Variants in DDX24 observed in about 807,000 individuals in gnomAD.
DDX24 encodes the protein ATP-dependent RNA helicase DDX24.
Under a neutral mutation model 68.9 loss-of-function variants are expected in DDX24, and 24 were observed. That is an observed-to-expected ratio of 0.35 (90% CI 0.25 to 0.49). The LOEUF (loss-of-function observed/expected upper bound fraction) is 0.49, where lower values mean the gene tolerates loss of function less well. Among genes scored for constraint, DDX24 ranks in the 20% least tolerant of loss-of-function variants. DDX24 has a pLI of 0.99. For synonymous variants in DDX24, 395 were observed against 385.2 expected, an observed-to-expected ratio of 1.03 and a Z score of -0.30; for missense variants, 989 against 1,039.0, an observed-to-expected ratio of 0.95 and a Z score of 0.66.
chr14:94,079,577 A>C lies in DDX24; in HGVS notation c.166T>G (p.Tyr56Asp). ...DLVCFEELTDYQLVSPAKNPS... is the reference protein window; with the variant it reads ...DLVCFEELTDDQLVSPAKNPS... ...TTCTTGGCAGGGGAGACCAACTGGT[A>C]ATCTGTCAATTCCTCAAAGCACACC... The change falls in exon 2 of 9, where the codon TAC (tyrosine) becomes GAC (aspartate). Residue 56 changes from tyrosine (Y) to aspartate (D), a missense_variant. Coordinates refer to ENST00000621632, the MANE Select transcript of DDX24 (RefSeq NM_020414.4). 1 of 1,614,170 alleles carries C rather than the reference A, an allele frequency of 6.2e-7. No individual in the cohort carries two copies. Among genetic ancestry groups the C allele is most frequent in the Non-Finnish European group, 8.5e-7 (1 of 1,180,034 alleles).
intron 2 of DDX24, among the ~76,000 whole-genome samples, chr14:94,074,814 T>G (rs1425352430): frequency 2.6e-5 from 4 of 152,196 alleles, no homozygotes; most frequent in African/African-American, 7.2e-5. Context: ...TTGGTGGAAC[T>G]AAGTTGCAGG....
chr14:94,055,294 A>T (rs1188255193), intron 6 of DDX24, 110 bp from the exon 7 acceptor site: 9 of 1,130,808 alleles, frequency 8.0e-6, no homozygotes, highest in Non-Finnish European at 1.1e-5. Context: ...CCAGGCAGGT[A>T]GAAACTTCTG....
In DDX24 at chr14:94,060,271, G is replaced by C. The variant is rs1457097426; in HGVS notation, c.1740C>G (p.Tyr580Ter). The change falls in exon 5 of 9, where the codon TAC (tyrosine) becomes TAG (stop). Residue 580 changes from tyrosine (Y) to a stop codon, truncating the protein, a stop_gained. Coordinates refer to ENST00000621632, the MANE Select transcript of DDX24 (RefSeq NM_020414.4). LOFTEE classifies it high-confidence loss of function. Reference sequence around the variant, plus strand: ...GGCCTGGATACTGCATCAGGAAGTAGTACAAGTAGAAGTCTTTCTCATCAG... The same window carrying C: ...GGCCTGGATACTGCATCAGGAAGTACTACAAGTAGAAGTCTTTCTCATCAG... ...CETDEKDFYL[Y>*]YFLMQYPGRS... 6.2e-7 allele frequency: 1 copy of C among 1,614,226 alleles called. No homozygotes were observed. The highest frequency in any genetic ancestry group is 8.5e-7 in the Non-Finnish European group (1 of 1,180,060).
Position 94,079,747 on chromosome 14 carries a change from G to T in DDX24, c.-5C>A. ...TTTTGTGTCCTTCAACTTCATGGTT[G>T]CTGAAAAGGAGATACATGTTCTATT... On this transcript the variant is annotated splice_region_variant and 5_prime_UTR_variant, in exon 2 of 9. Coordinates refer to ENST00000621632, the MANE Select transcript of DDX24 (RefSeq NM_020414.4). 6.2e-7 allele frequency: 1 copy of T among 1,611,970 alleles called. No homozygotes were observed. The highest frequency in any genetic ancestry group is 8.5e-7 in the Non-Finnish European group (1 of 1,179,014).
chr14:94,073,006 C>CA (rs1885864185), intron 2 of DDX24, among the ~76,000 whole-genome samples: 1 of 146,748 alleles, frequency 6.8e-6, no homozygotes, highest in South Asian at 2.2e-4. Flanking sequence ...TGCTATCAGT[C>CA]AAAAAATAAA....
rs2141425509 is a variant in DDX24, at chr14:94,060,294, C to A, written c.1717G>T (p.Asp573Tyr). The change falls in exon 5 of 9, where the codon GAT becomes TAT. Residue 573 changes from aspartate to tyrosine, a missense_variant. By Grantham distance (160) the Asp-to-Tyr change is radical (BLOSUM62 -3). This residue lies in a region of DDX24 where 691 missense variants were observed against 760.0 expected (regional missense o/e 0.91). Coordinates refer to ENST00000621632, the MANE Select transcript of DDX24 (RefSeq NM_020414.4). Reference sequence around the variant, plus strand: ...TAGTACAAGTAGAAGTCTTTCTCATCAGTCTCACAATGGATCTTGGTCTCT... The same window carrying A: ...TAGTACAAGTAGAAGTCTTTCTCATAAGTCTCACAATGGATCTTGGTCTCT... The part of the protein sequence containing the change: ...LTETKIHCET[D>Y]EKDFYLYYFL... The A allele has an allele frequency of 1.2e-6, 2 of 1,614,214 alleles. No individual in the cohort carries two copies. The highest frequency in any genetic ancestry group is 4.5e-5 in the East Asian group (2 of 44,876).
chr14:94,057,145 A>G (rs532313561), intron 6 of DDX24: 2 of 152,338 alleles, frequency 1.3e-5, no homozygotes, highest in East Asian at 3.9e-4. Flanking sequence ...GAGGTACTAA[A>G]TAACTTGCCT....
intron 2 of DDX24, among the ~76,000 whole-genome samples, chr14:94,071,880 G>A (rs1295954785): frequency 6.6e-6 from 1 of 152,166 alleles, no homozygotes; most frequent in African/African-American, 2.4e-5. Context: ...GGGAGGCAGA[G>A]GTTGCAGTGA....
chr14:94,061,494 G>A lies in DDX24; in HGVS notation c.1244-428C>T, dbSNP rs574108619. ...GGTCCACTAATGCCCTGTTGTTTTC[G>A]TCTCTGGTGCAGAAATTCTCATAGT... On this transcript the variant is annotated intron_variant, in intron 3 of 8. Transcript: ENST00000621632. 5.3e-5 allele frequency among the ~76,000 whole-genome samples: 8 copies of A among 152,146 alleles called. No homozygotes were observed. The East Asian group carries it at 7.7e-4, about 15-fold the overall frequency.
rs1016426252 is a variant in DDX24 at position 94,053,259 on chromosome 14, T to A, written c.2179-132A>T. ...CTGCCCAGGCTGGAGAGCAGTGGCA[T>A]GATCATGGCTCACTGCAGCCTCAAC... On this transcript the variant is annotated intron_variant, in intron 7 of 8. Coordinates refer to ENST00000621632, the MANE Select transcript of DDX24 (RefSeq NM_020414.4). 71 of 1,201,656 alleles carry A rather than the reference T, an allele frequency of 5.9e-5. No homozygotes were observed. The African/African-American group carries it at 9.0e-4, about 15-fold the overall frequency. The allele number at this position is 1,201,656 out of a possible 1,614,324, so 74.4% of individuals were successfully genotyped here.
chr14:94,052,321 A>C (rs1219395540), intron 8 of DDX24, among the ~76,000 whole-genome samples: 1 of 152,218 alleles, frequency 6.6e-6, no homozygotes, highest in Non-Finnish European at 1.5e-5. Flanking sequence ...TCACATATAG[A>C]GTAGCAGCTC....
In DDX24 at chr14:94,050,405, C is replaced by A. The variant is rs1025437794; in HGVS notation, c.*786G>T. ...GGCAGTGCTCCAGGATGGAGAAGGC[C>A]AAAAGGCAATCCAGACCGAGGGAAA... On this transcript the variant is annotated 3_prime_UTR_variant, in exon 9 of 9. Transcript: ENST00000621632. 4 of 152,324 alleles carry A rather than the reference C, an allele frequency of 2.6e-5. No homozygotes were observed. The highest frequency in any genetic ancestry group is 9.7e-5 in the African/African-American group (4 of 41,418). The allele number at this position is 152,324 out of a possible 1,614,324, so 9.4% of individuals were successfully genotyped here. A position where few individuals can be genotyped will look rare whatever the true frequency, so the allele number is the denominator to read the frequency against.
rs575652778 is a variant in DDX24 at position 94,048,375 on chromosome 14, C to T, written c.*2816G>A. On this transcript the variant is annotated 3_prime_UTR_variant, in exon 9 of 9. Transcript: ENST00000621632. ...GGAACAATTAGCAACAGAAAGAGCA[C>T]AGTCCCTGCTTTTGACTGGGTTCCT... 6 of 152,352 alleles carry T rather than the reference C, an allele frequency of 3.9e-5. No individual in the cohort carries two copies. The highest frequency in any genetic ancestry group is 1.4e-4 in the African/African-American group (6 of 41,586). 9.4% of individuals were successfully genotyped at this position (152,352 alleles called of 1,614,324 possible).
chr14:94,080,456 T>TA (rs1886048923), intron 1 of DDX24, among the ~76,000 whole-genome samples: 1 of 152,012 alleles, frequency 6.6e-6, no homozygotes, highest in African/African-American at 2.4e-5. Flanking sequence ...AAGACCAAGG[T>TA]AAACTTTGGT....
intron 7 of DDX24, 105 bp from the exon 8 acceptor site, chr14:94,053,232 T>C: frequency 6.7e-7 from 1 of 1,491,150 alleles, no homozygotes; most frequent in South Asian, 1.2e-5. Flanking sequence ...GGTATCACTC[T>C]GCTGCCCAGG....
In DDX24 at chr14:94,051,583, G is replaced by C. The variant is rs1483684418; in HGVS notation, c.2309-121C>G. On this transcript the variant is annotated intron_variant, in intron 8 of 8. Coordinates refer to ENST00000621632, the MANE Select transcript of DDX24 (RefSeq NM_020414.4). ...TACTTTAGGGAGGCAGGGTTCAAAA[G>C]TTCTCTGAAGAAGCTAGTGGTGGCT... 3.7e-6 allele frequency: 5 copies of C among 1,354,084 alleles called. No homozygotes were observed. The African/African-American group carries it at 4.4e-5, about 12-fold the overall frequency. The allele number at this position is 1,354,084 out of a possible 1,614,324, so 83.9% of individuals were successfully genotyped here.
chr14:94,065,757 C>A (rs1291625627), intron 2 of DDX24, among the ~76,000 whole-genome samples: 1 of 152,168 alleles, frequency 6.6e-6, no homozygotes, highest in East Asian at 1.9e-4. Context: ...GGTCTGTTTG[C>A]AGGAGAAGTT....
chr14:94,050,673 T>C lies in DDX24; in HGVS notation c.*518A>G, dbSNP rs1383251327. The stretch of plus-strand genomic sequence containing the variant: ...CAATACCCAGGAGAGTGGAGAGAGC[T>C]AAGGAGCTATTAGGGTGCTGCTCTG... On this transcript the variant is annotated 3_prime_UTR_variant, in exon 9 of 9. Transcript: ENST00000621632. The C allele has an allele frequency of 6.5e-6, 1 of 152,686 alleles. No homozygotes were observed. The highest frequency in any genetic ancestry group is 2.4e-5 in the African/African-American group (1 of 41,458). The allele number at this position is 152,686 out of a possible 1,614,324, so 9.5% of individuals were successfully genotyped here. A position where few individuals can be genotyped will look rare whatever the true frequency, so the allele number is the denominator to read the frequency against.
chr14:94,070,170 G>T (rs368249680), intron 2 of DDX24, among the ~76,000 whole-genome samples: 1 of 152,002 alleles, frequency 6.6e-6, no homozygotes, highest in East Asian at 1.9e-4. Context: ...CAAAGTTTCC[G>T]GATACAAGAT....
Sources: allele counts gnomAD v4.1 joint callset (sites outside exome capture counted in the v4.1 genomes callset), GRCh38; gene constraint gnomAD v4.1.1; regional missense constraint gnomAD v4.1.1; transcripts MANE v1.5; gene names NCBI Gene and HGNC (gene_info 2026-07-23, HGNC 2026-07-21).